The following EIF2AK2 variants were observed in gnomAD, a reference collection of about 807,000 sequenced individuals.
EIF2AK2 encodes the protein eukaryotic translation initiation factor 2 alpha kinase 2.
In EIF2AK2, 40 loss-of-function variants were observed where a neutral mutation model predicts 70.5. The observed-to-expected ratio is 0.57, with a 90% CI of 0.44 to 0.74. The LOEUF is 0.74. Among genes scored for constraint, EIF2AK2 ranks in the 30% least tolerant of loss-of-function variants. EIF2AK2 has a pLI of 0.00. For missense variants in EIF2AK2, 555 were observed against 644.3 expected (o/e 0.86, Z 1.50); for synonymous variants, 198 against 220.9 (o/e 0.90, Z 0.92).
intron 15 of EIF2AK2, among the ~76,000 whole-genome samples, chr2:37,107,917 G>A (rs1013864536): frequency 6.6e-6 from 1 of 151,932 alleles, no homozygotes; most frequent in Non-Finnish European, 1.5e-5. Context: ...AGGCCGAGGC[G>A]GGTGGATTGC....
intron 10 of EIF2AK2, 66 bp from the exon 11 acceptor site, chr2:37,126,477 C>A: frequency 1.3e-6 from 2 of 1,555,862 alleles, no homozygotes; most frequent in South Asian, 1.2e-5. Flanking sequence ...CGCCTCCCCA[C>A]TCCTTTCCCT....
At position 37,116,969 on chromosome 2, in the gene EIF2AK2, T is replaced by C. The variant is rs150665506; in HGVS notation, c.1249-2110A>G. On this transcript the variant is annotated intron_variant, in intron 13 of 16. Transcript: ENST00000233057. ...AGTCACACCTGTAATCCCAGCACTT[T>C]GGGAGGCTGAAGCGGGCAGACAGCG... 1.2e-3 allele frequency among the ~76,000 whole-genome samples: 177 copies of C among 152,208 alleles called. 3 individuals carry two copies. Among genetic ancestry groups the C allele is most frequent in the African/African-American group, 3.9e-3 (163 of 41,552 alleles).
intron 4 of EIF2AK2, among the ~76,000 whole-genome samples, chr2:37,143,334 T>C (rs890014108): frequency 6.6e-6 from 1 of 152,150 alleles, no homozygotes; most frequent in Non-Finnish European, 1.5e-5. Flanking sequence ...ATAAACATTG[T>C]CTGCTGAAAT....
At chr2:37,141,134 A>T (rs1485481219) in intron 5 of EIF2AK2, among the ~76,000 whole-genome samples, 1 of 152,232 alleles carries the variant, frequency 6.6e-6, no homozygotes, top group African/African-American at 2.4e-5. Flanking sequence ...AATTTGAAGG[A>T]CAAATACCTG....
chr2:37,143,222 C>CA (rs34947987), intron 4 of EIF2AK2, among the ~76,000 whole-genome samples: 1,265 of 112,188 alleles, frequency 0.011, 24 homozygotes, highest in African/African-American at 0.039. Context: ...GACTCTGTCT[C>CA]AAAAAAAAAA....
intron 1 of EIF2AK2, among the ~76,000 whole-genome samples, chr2:37,150,886 A>T (rs1675717617): frequency 6.6e-6 from 1 of 152,208 alleles, no homozygotes; most frequent in South Asian, 2.1e-4. Context: ...GAGTAAATTA[A>T]GACCTCTGTT....
intron 13 of EIF2AK2, 59 bp from the exon 14 acceptor site, chr2:37,114,918 C>T: frequency 8.4e-7 from 1 of 1,194,506 alleles, no homozygotes; most frequent in Non-Finnish European, 1.1e-6. Context: ...TACCACATGT[C>T]TTAATTATAT....
chr2:37,156,248 T>G (rs913569528), intron 1 of EIF2AK2, among the ~76,000 whole-genome samples: 1 of 151,578 alleles, frequency 6.6e-6, no homozygotes, highest in African/African-American at 2.4e-5. Context: ...GTGGCCGGAG[T>G]AGGGGGTGCG....
chr2:37,147,049 T>C, intron 3 of EIF2AK2, 76 bp from the exon 4 acceptor site: 1 of 1,377,192 alleles, frequency 7.3e-7, no homozygotes, highest in Non-Finnish European at 9.9e-7. Context: ...TAGTCATCAC[T>C]ACCTCCTATG....
In EIF2AK2 at chr2:37,147,768, T is replaced by C; in HGVS notation, c.39A>G (p.Glu13=). Residue 13 remains glutamate, a synonymous_variant, in exon 3 of 17, where the codon GAA becomes GAG. Transcript: ENST00000233057. ...CCTGCTTCTGACGGTATGTATTAAGTTCCTCCATGAAGAAACCTGCTGAAA... is the reference window on the plus strand; with the variant it reads ...CCTGCTTCTGACGGTATGTATTAAGCTCCTCCATGAAGAAACCTGCTGAAA... ...GDLSAGFFME[E]LNTYRQKQGV... 1 of 1,613,574 alleles carries C rather than the reference T, an allele frequency of 6.2e-7. No homozygotes were observed. Among genetic ancestry groups the C allele is most frequent in the Non-Finnish European group, 8.5e-7 (1 of 1,179,670 alleles).
chr2:37,150,258 G>T (rs2148715746), intron 1 of EIF2AK2, among the ~76,000 whole-genome samples: 1 of 152,060 alleles, frequency 6.6e-6, no homozygotes, highest in Middle Eastern at 3.4e-3. Flanking sequence ...AACTTAAAAG[G>T]AGTATGACAG....
intron 1 of EIF2AK2, among the ~76,000 whole-genome samples, chr2:37,152,280 T>A (rs994555481): frequency 6.6e-6 from 1 of 152,196 alleles, no homozygotes; most frequent in Non-Finnish European, 1.5e-5. Flanking sequence ...CCAGGGCCAC[T>A]CTTTCTGTTT....
At chr2:37,111,890 T>A (rs867191166) in intron 14 of EIF2AK2, among the ~76,000 whole-genome samples, 1,575 of 111,838 alleles carry the variant, frequency 0.014, 40 homozygotes, top group African/African-American at 0.041. Context: ...TATATATATA[T>A]ATATATATAT....
Position 37,138,532 on chromosome 2 carries a change from G to A in EIF2AK2, c.570C>T (p.Ser190=). 6.2e-7 allele frequency: 1 copy of A among 1,614,114 alleles called. No homozygotes were observed. The highest frequency in any genetic ancestry group is 1.6e-4 in the Middle Eastern group (1 of 6,062). The change falls in exon 7 of 17, where the codon AGC becomes AGT. Residue 190 remains serine, a synonymous_variant. Coordinates refer to ENST00000233057, the MANE Select transcript of EIF2AK2 (RefSeq NM_001135651.3). The part of the protein sequence containing the change: ...GSFATTCESQ[S]NSLVTSTLAS... ...ACAGTGTGCTGGTCACTAAAGAGTTGCTTTGGGACTCACACGTAGTAGCAA... is the reference window on the plus strand; with the variant it reads ...ACAGTGTGCTGGTCACTAAAGAGTTACTTTGGGACTCACACGTAGTAGCAA...
At chr2:37,108,690 C>G (rs1341930319) in intron 15 of EIF2AK2, among the ~76,000 whole-genome samples, 1 of 152,134 alleles carries the variant, frequency 6.6e-6, no homozygotes, top group African/African-American at 2.4e-5. Context: ...CTGCCTCAGC[C>G]CCCTGAGTAG....
chr2:37,148,346 T>C (rs1195468113), intron 2 of EIF2AK2, among the ~76,000 whole-genome samples: 2 of 152,018 alleles, frequency 1.3e-5, no homozygotes, highest in Non-Finnish European at 2.9e-5. Context: ...TTAGAGTATA[T>C]ATAATAAGTG....
At chr2:37,149,258 C>A in intron 1 of EIF2AK2, 1 of 1,083,980 alleles carries the variant, frequency 9.2e-7, no homozygotes, top group Non-Finnish European at 1.4e-6. Flanking sequence ...TATGAGCAAA[C>A]TGAAATTGAA....
rs1407470698 is a variant in EIF2AK2 at position 37,107,058 on chromosome 2, ATAAAG to A, written c.*210_*214del. 3 of 528,218 alleles carry A rather than the reference ATAAAG, an allele frequency of 5.7e-6. No homozygotes were observed. Among genetic ancestry groups the A allele is most frequent in the Non-Finnish European group, 8.9e-6 (3 of 337,732 alleles). 32.7% of individuals were successfully genotyped at this position (528,218 alleles called of 1,614,324 possible). A position where few individuals can be genotyped will look rare whatever the true frequency, so the allele number is the denominator to read the frequency against. On this transcript the variant is annotated 3_prime_UTR_variant, in exon 17 of 17. Coordinates refer to ENST00000233057, the MANE Select transcript of EIF2AK2 (RefSeq NM_001135651.3). The stretch of plus-strand genomic sequence containing the variant: ...CTCTGTCTTTAAAAAAAAAAAAAGA[ATAAAG>A]AGATGAGCCAGGAAAAAGTAAAATG...
intron 12 of EIF2AK2, among the ~76,000 whole-genome samples, chr2:37,120,434 T>C (rs1674499061): frequency 1.5e-5 from 2 of 133,852 alleles, no homozygotes; most frequent in South Asian, 2.4e-4. Flanking sequence ...GTGAACCCGG[T>C]AGGCGGAGCT....
Sources: allele counts gnomAD v4.1 joint callset (sites outside exome capture counted in the v4.1 genomes callset), GRCh38; gene constraint gnomAD v4.1.1; transcripts MANE v1.5; gene names NCBI Gene and HGNC (gene_info 2026-07-23, HGNC 2026-07-21).